VPS8: variants seen among roughly 807,000 people sequenced by gnomAD.
The protein encoded by VPS8 is vacuolar protein sorting-associated protein 8 homolog.
VPS8 carries 129 observed loss-of-function variants against 216.4 expected under a neutral mutation model. The observed-to-expected ratio is 0.60, with a 90% CI of 0.52 to 0.69. The LOEUF (loss-of-function observed/expected upper bound fraction) is 0.69, where lower values mean the gene tolerates loss of function less well. VPS8 is among the 30% of genes least tolerant of loss of function. VPS8 has a pLI of 0.00. For synonymous variants in VPS8, 571 were observed against 565.4 expected (o/e 1.01, Z -0.14); for missense variants, 1,531 against 1,683.5 (o/e 0.91, Z 1.59).
chr3:184,993,728 A>G (rs2109849678), intron 42 of VPS8, among the ~76,000 whole-genome samples: 1 of 152,354 alleles, frequency 6.6e-6, no homozygotes, highest in Non-Finnish European at 1.5e-5. Flanking sequence ...CAGAAACAAA[A>G]TAAAAGTAAA....
intron 16 of VPS8, among the ~76,000 whole-genome samples, chr3:184,865,024 G>A (rs1250307027): frequency 1.3e-5 from 2 of 152,100 alleles, no homozygotes; most frequent in African/African-American, 4.8e-5. Context: ...AAACTATAGT[G>A]CTTATAGATG....
chr3:184,915,008 C>A lies in VPS8; in HGVS notation c.2217C>A (p.Pro739=). 6.2e-7 allele frequency: 1 copy of A among 1,613,978 alleles called. No individual in the cohort carries two copies. The highest frequency in any genetic ancestry group is 1.1e-5 in the South Asian group (1 of 91,078). The change falls in exon 27 of 48, where the codon CCC becomes CCA. Residue 739 remains proline (P), a synonymous_variant. Transcript: ENST00000625842. The part of the protein sequence containing the change: ...ISCCLAGRAY[P]LGDIPEDLVP... ...GTTGTCTAGCAGGTCGTGCCTATCCCCTTGGTGACATCCCTGAAGATCTGG... is the reference window on the plus strand; with the variant it reads ...GTTGTCTAGCAGGTCGTGCCTATCCACTTGGTGACATCCCTGAAGATCTGG...
At chr3:184,882,367 C>T (rs565829991) in intron 21 of VPS8, 39 of 454,556 alleles carry the variant, frequency 8.6e-5, no homozygotes, top group South Asian at 5.0e-4. Context: ...CATGGCATAT[C>T]GTAATGATTG....
chr3:184,849,803 A>G, intron 9 of VPS8, 133 bp from the exon 10 acceptor site: 1 of 688,162 alleles, frequency 1.5e-6, no homozygotes, highest in South Asian at 1.7e-5. Flanking sequence ...ACCTTTAGGT[A>G]TGTTTTAACT....
intron 45 of VPS8, among the ~76,000 whole-genome samples, chr3:185,020,318 TAGAA>T (rs1229044534): frequency 1.1e-4 from 16 of 152,204 alleles, no homozygotes; most frequent in Non-Finnish European, 1.5e-4. Context: ...ATGTGCAACA[TAGAA>T]AGATCACAAA....
chr3:184,891,940 A>G (rs1243568346), intron 22 of VPS8, among the ~76,000 whole-genome samples: 2 of 152,204 alleles, frequency 1.3e-5, no homozygotes, highest in East Asian at 3.8e-4. Flanking sequence ...GATAATGTAC[A>G]AAGTAAATTT....
chr3:184,938,661 T>G (rs568056398), intron 35 of VPS8, among the ~76,000 whole-genome samples: 2 of 151,450 alleles, frequency 1.3e-5, no homozygotes, highest in South Asian at 4.2e-4. Flanking sequence ...TTTTTTTTTT[T>G]TGTAGTCTCT....
intron 42 of VPS8, among the ~76,000 whole-genome samples, chr3:184,985,801 C>T (rs1043926854): frequency 6.6e-6 from 1 of 152,050 alleles, no homozygotes; most frequent in Non-Finnish European, 1.5e-5. Flanking sequence ...CCTGTTTTTC[C>T]ATTATATGGA....
In VPS8 at chr3:184,841,432, A is replaced by G. The variant is rs754272428; in HGVS notation, c.535+1680A>G. Reference sequence around the variant, plus strand: ...ATTTTTAATGGCTATATAGTATTCTATTAAATGGATTCTTCCTAATTTACT... The same window carrying G: ...ATTTTTAATGGCTATATAGTATTCTGTTAAATGGATTCTTCCTAATTTACT... On this transcript the variant is annotated intron_variant, in intron 7 of 47. Coordinates refer to ENST00000625842, the MANE Select transcript of VPS8 (RefSeq NM_001009921.3). Among the ~76,000 whole-genome samples the G allele has an allele frequency of 3.4e-4, 51 of 152,170 alleles. 1 individual carries two copies. The highest frequency in any genetic ancestry group is 2.9e-4 in the Non-Finnish European group (20 of 68,032).
intron 18 of VPS8, chr3:184,868,371 G>A: frequency 4.1e-6 from 1 of 243,096 alleles, no homozygotes; most frequent in Non-Finnish European, 7.8e-6. Context: ...GTGCTGTCCT[G>A]TTCCACCATG....
intron 46 of VPS8, among the ~76,000 whole-genome samples, chr3:185,044,512 C>T (rs903026581): frequency 2.0e-5 from 3 of 152,040 alleles, no homozygotes; most frequent in Non-Finnish European, 2.9e-5. Context: ...GGAGGGTTGT[C>T]GCATCTGAGA....
chr3:184,977,733 T>C (rs1749518296), intron 40 of VPS8, among the ~76,000 whole-genome samples: 1 of 150,612 alleles, frequency 6.6e-6, no homozygotes, highest in Non-Finnish European at 1.5e-5. Context: ...CTTATCTTTT[T>C]TTTTTTTTTT....
intron 1 of VPS8, among the ~76,000 whole-genome samples, chr3:184,819,544 A>T (rs1440251340): frequency 6.6e-6 from 1 of 152,220 alleles, no homozygotes; most frequent in African/African-American, 2.4e-5. Context: ...AATATTAAGC[A>T]TCATATAGTA....
At chr3:185,029,443 T>A (rs1421282285) in intron 46 of VPS8, among the ~76,000 whole-genome samples, 1 of 152,178 alleles carries the variant, frequency 6.6e-6, no homozygotes, top group Non-Finnish European at 1.5e-5. Context: ...TCATGTTCTG[T>A]AGGACTCAGC....
chr3:184,997,725 T>TG (rs896087733), intron 44 of VPS8, among the ~76,000 whole-genome samples: 6 of 151,968 alleles, frequency 3.9e-5, no homozygotes, highest in African/African-American at 1.5e-4. Context: ...GAGTGTTTGG[T>TG]GGGGGGTGCA....
intron 45 of VPS8, among the ~76,000 whole-genome samples, chr3:185,011,537 A>C (rs920081495): frequency 1.3e-5 from 2 of 152,258 alleles, no homozygotes; most frequent in African/African-American, 4.8e-5. Context: ...GTGTACAGAC[A>C]GACAGTGCTT....
At chr3:184,836,442 G>A in intron 5 of VPS8, 1 of 380,338 alleles carries the variant, frequency 2.6e-6, no homozygotes, top group South Asian at 2.0e-5. Flanking sequence ...CTAAAACTCA[G>A]ACTCTGAACA....
rs545351898 is a variant in VPS8 at position 184,815,164 on chromosome 3, CTG to C, written c.-89+2941_-89+2942del. On this transcript the variant is annotated intron_variant, in intron 1 of 47. Coordinates refer to ENST00000625842, the MANE Select transcript of VPS8 (RefSeq NM_001009921.3). ...TACCTCCTGAAGGACCTGCCTGAAA[CTG>C]TTTTACAGCTAATTTTTAAATTTTT... Among the ~76,000 whole-genome samples, 117 of 152,228 alleles carry C rather than the reference CTG, an allele frequency of 7.7e-4. No homozygotes were observed. The Middle Eastern group carries it at 0.014, about 18-fold the overall frequency.
intron 40 of VPS8, among the ~76,000 whole-genome samples, chr3:184,975,605 A>C (rs1035028862): frequency 3.9e-5 from 6 of 152,074 alleles, no homozygotes; most frequent in Non-Finnish European, 8.8e-5. Flanking sequence ...CAGTGGTAAA[A>C]GTGGGCATCA....
Sources: allele counts gnomAD v4.1 joint callset (sites outside exome capture counted in the v4.1 genomes callset), GRCh38; gene constraint gnomAD v4.1.1; transcripts MANE v1.5; gene names NCBI Gene and HGNC (gene_info 2026-07-23, HGNC 2026-07-21).